The following MTUS2 variants were observed in gnomAD, a reference collection of about 807,000 sequenced individuals.
MTUS2 encodes microtubule-associated tumor suppressor candidate 2.
Under a neutral mutation model 114.1 loss-of-function variants are expected in MTUS2, and 40 were observed. The observed-to-expected ratio is 0.35, with a 90% CI of 0.27 to 0.46. The LOEUF is 0.46. Among genes scored for constraint, MTUS2 ranks in the 20% least tolerant of loss-of-function variants. The probability of loss-of-function intolerance (pLI) is 1.00; values close to 1 mark genes in which losing one functional copy is unlikely to be tolerated. For missense variants in MTUS2, 1,679 were observed against 1,705.4 expected (o/e 0.98, Z 0.27); for synonymous variants, 688 against 672.0 (o/e 1.02, Z -0.37).
In MTUS2 at chr13:28,945,009, A is replaced by G. The variant is rs1160729868; in HGVS notation, c.-242-79448A>G. ...AAACCCTTCTGAGTCTCCAGTATCTATCATTCCACACTCTGTGTCCATGCA... is the reference window on the plus strand; with the variant it reads ...AAACCCTTCTGAGTCTCCAGTATCTGTCATTCCACACTCTGTGTCCATGCA... On this transcript the variant is annotated intron_variant, in intron 2 of 15. Coordinates refer to ENST00000612955, the MANE Select transcript of MTUS2 (RefSeq NM_001033602.4). Among the ~76,000 whole-genome samples, 3 of 152,162 alleles carry G rather than the reference A, an allele frequency of 2.0e-5. No homozygotes were observed. In the South Asian group the frequency reaches 6.2e-4, roughly 32 times the overall value.
chr13:29,478,836 G>C (rs1880922121), intron 9 of MTUS2, among the ~76,000 whole-genome samples: 1 of 152,148 alleles, frequency 6.6e-6, no homozygotes, highest in African/African-American at 2.4e-5. Flanking sequence ...ACTGGGGACA[G>C]TGTTAGGCTG....
intron 8 of MTUS2, among the ~76,000 whole-genome samples, chr13:29,389,071 G>T (rs1186441357): frequency 6.6e-6 from 1 of 151,894 alleles, no homozygotes; most frequent in Admixed American, 6.6e-5. Context: ...ATTTCATAAA[G>T]AATGTTACAT....
intron 5 of MTUS2, among the ~76,000 whole-genome samples, chr13:29,150,660 T>G (rs574155702): frequency 6.6e-6 from 1 of 152,338 alleles, no homozygotes; most frequent in East Asian, 1.9e-4. Context: ...TCTAAGATTT[T>G]TATAGTTTAC....
At chr13:28,822,497 C>A (rs796323190) in intron 1 of MTUS2, among the ~76,000 whole-genome samples, 1 of 152,124 alleles carries the variant, frequency 6.6e-6, no homozygotes. Flanking sequence ...TTATGCTTAG[C>A]GATTTTCTAG....
intron 2 of MTUS2, among the ~76,000 whole-genome samples, chr13:28,878,134 A>G (rs1017521434): frequency 6.6e-6 from 1 of 152,000 alleles, no homozygotes; most frequent in African/African-American, 2.4e-5. Flanking sequence ...GGTGACGTTT[A>G]GTCTAATTTG....
chr13:28,975,392 TCTC>T (rs1299296563), intron 2 of MTUS2, among the ~76,000 whole-genome samples: 1 of 152,138 alleles, frequency 6.6e-6, no homozygotes, highest in Non-Finnish European at 1.5e-5. Context: ...CTGTTAGAGT[TCTC>T]CTGGTCCCGG....
chr13:29,065,919 C>A (rs542413982), intron 4 of MTUS2, among the ~76,000 whole-genome samples: 2 of 152,282 alleles, frequency 1.3e-5, no homozygotes, highest in East Asian at 1.9e-4. Flanking sequence ...CAAACCCCCC[C>A]CCACCTGACA....
chr13:28,838,043 A>C (rs2137975280), intron 1 of MTUS2, among the ~76,000 whole-genome samples: 1 of 152,310 alleles, frequency 6.6e-6, no homozygotes, highest in Admixed American at 6.5e-5. Flanking sequence ...ATGTCACAGA[A>C]TGCTGATTTT....
At chr13:29,495,355 C>CAAAAA (rs561721512) in intron 12 of MTUS2, among the ~76,000 whole-genome samples, 2 of 29,814 alleles carry the variant, frequency 6.7e-5, no homozygotes, top group Admixed American at 4.1e-4. Context: ...GAGTCTTTGT[C>CAAAAA]AAAAAAAAAA....
chr13:28,856,645 C>A (rs540816975), intron 2 of MTUS2, among the ~76,000 whole-genome samples: 9 of 152,296 alleles, frequency 5.9e-5, no homozygotes, highest in African/African-American at 2.2e-4. Context: ...TGCCGCTTAT[C>A]TGGGGAAATC....
chr13:29,452,091 A>G (rs1878725021), intron 9 of MTUS2, among the ~76,000 whole-genome samples: 2 of 152,316 alleles, frequency 1.3e-5, no homozygotes, highest in South Asian at 4.1e-4. Context: ...ATAATTTTCT[A>G]AAGTCATTTT....
At chr13:29,390,162 T>TTG (rs1555272876) in intron 8 of MTUS2, among the ~76,000 whole-genome samples, 1 of 118,980 alleles carries the variant, frequency 8.4e-6, no homozygotes, top group Non-Finnish European at 1.9e-5. Flanking sequence ...ACACACACAC[T>TTG]TGTGTGTGTG....
chr13:29,081,635 C>T (rs1336539150), intron 4 of MTUS2, among the ~76,000 whole-genome samples: 3 of 149,716 alleles, frequency 2.0e-5, no homozygotes, highest in African/African-American at 7.3e-5. Context: ...ATTACTTTTG[C>T]ACCAACCTAA....
intron 4 of MTUS2, among the ~76,000 whole-genome samples, chr13:29,086,652 C>T (rs1470686204): frequency 6.6e-6 from 1 of 152,088 alleles, no homozygotes; most frequent in Non-Finnish European, 1.5e-5. Context: ...TTTTCTAGTT[C>T]TGTGAAAAAT....
chr13:29,007,880 G>A (rs1421044485), intron 2 of MTUS2, among the ~76,000 whole-genome samples: 1 of 152,142 alleles, frequency 6.6e-6, no homozygotes, highest in Admixed American at 6.5e-5. Flanking sequence ...AGTTTTGGGG[G>A]AATCAAAAGT....
intron 2 of MTUS2, among the ~76,000 whole-genome samples, chr13:29,023,976 G>C (rs1411728432): frequency 6.6e-6 from 1 of 152,182 alleles, no homozygotes; most frequent in Non-Finnish European, 1.5e-5. Context: ...TGTAAGAAAT[G>C]AAGTAGCCTG....
chr13:29,026,853 A>G lies in MTUS2; in HGVS notation c.2155A>G (p.Lys719Glu). Residue 719 changes from lysine (K) to glutamate (E), a missense_variant, in exon 3 of 16, where the codon AAG becomes GAG. By Grantham distance (56) the Lys-to-Glu change is moderately conservative. Coordinates refer to ENST00000612955, the MANE Select transcript of MTUS2 (RefSeq NM_001033602.4). ...TTCCGGATTGATGGTGTCTGGAATC[A>G]AGCCCCCGGGACATCCTTTCAGTCA... is the stretch of plus-strand genomic sequence containing the variant. Reference protein sequence around the residue: ...FSSGLMVSGIKPPGHPFSQMS... With the variant: ...FSSGLMVSGIEPPGHPFSQMS... 1 of 1,605,874 alleles carries G rather than the reference A, an allele frequency of 6.2e-7. No homozygotes were observed.
chr13:29,479,814 TTA>T (rs1157145909), intron 9 of MTUS2, among the ~76,000 whole-genome samples: 6 of 152,198 alleles, frequency 3.9e-5, no homozygotes, highest in Non-Finnish European at 7.3e-5. Flanking sequence ...CCAATATTTT[TTA>T]TGTCTGTGGA....
chr13:28,833,217 C>G (rs1422833591), intron 1 of MTUS2, among the ~76,000 whole-genome samples: 1 of 152,102 alleles, frequency 6.6e-6, no homozygotes, highest in African/African-American at 2.4e-5. Flanking sequence ...TTGGCTCATT[C>G]TTTAAGGCCA....
Sources: gnomAD v4.1 joint callset for allele counts (sites outside exome capture counted in the v4.1 genomes callset) on GRCh38, gnomAD v4.1.1 for gene constraint, MANE v1.5 for transcripts, NCBI Gene and HGNC (gene_info 2026-07-23, HGNC 2026-07-21) for gene names.